Variants in PAPPA observed in about 807,000 individuals in gnomAD.
PAPPA encodes the protein pappalysin 1, also known as pappalysin-1.
PAPPA carries 60 observed loss-of-function variants against 164.0 expected under a neutral mutation model. That is an observed-to-expected ratio of 0.37 (90% confidence interval 0.30 to 0.45). The LOEUF (loss-of-function observed/expected upper bound fraction) is 0.45, where lower values mean the gene tolerates loss of function less well. PAPPA is among the 20% of genes least tolerant of loss of function. The pLI, the probability that PAPPA is intolerant of heterozygous loss-of-function variation, is 1.00. For missense variants in PAPPA, 1,782 were observed against 2,087.3 expected, an observed-to-expected ratio of 0.85 and a Z score of 2.85; for synonymous variants, 875 against 814.1, an observed-to-expected ratio of 1.07 and a Z score of -1.27.
Position 116,398,579 on chromosome 9 carries a change from C to T in PAPPA, c.*1963C>T, listed in dbSNP as rs1009487465. On this transcript the variant is annotated 3_prime_UTR_variant, in exon 22 of 22. Coordinates refer to ENST00000328252, the MANE Select transcript of PAPPA (RefSeq NM_002581.5). The stretch of plus-strand genomic sequence containing the variant: ...TGGTGATCAAAAACACTTGAGAAGA[C>T]ATCTATTGGCCATCTCTGGCCAATT... 6.3e-6 allele frequency: 8 copies of T among 1,273,634 alleles called. No homozygotes were observed. The highest frequency in any genetic ancestry group is 7.2e-6 in the Non-Finnish European group (7 of 975,058). The allele number at this position is 1,273,634 out of a possible 1,614,324, so 78.9% of individuals were successfully genotyped here.
intron 10 of PAPPA, among the ~76,000 whole-genome samples, chr9:116,320,923 C>T (rs1845846856): frequency 6.6e-6 from 1 of 152,030 alleles, no homozygotes; most frequent in Admixed American, 6.6e-5. Flanking sequence ...TAGTGCTCCG[C>T]AGGTAGTGGG....
At chr9:116,292,279 T>C (rs145952799) in intron 9 of PAPPA, among the ~76,000 whole-genome samples, 4 of 152,304 alleles carry the variant, frequency 2.6e-5, no homozygotes, top group African/African-American at 4.8e-5. Flanking sequence ...TTTACGTTTT[T>C]AGAAGAGCAC....
At chr9:116,302,985 A>G in intron 10 of PAPPA, 35 bp downstream of exon 10, 1 of 1,589,024 alleles carries the variant, frequency 6.3e-7, no homozygotes, top group Non-Finnish European at 8.6e-7. Context: ...TTTCCTGCAG[A>G]CATTCAAAGT....
intron 2 of PAPPA, among the ~76,000 whole-genome samples, chr9:116,198,588 T>A (rs1844133887): frequency 6.6e-6 from 1 of 152,132 alleles, no homozygotes; most frequent in South Asian, 2.1e-4. Flanking sequence ...AAGTCCAAGG[T>A]GCTGAGCGAA....
At chr9:116,235,743 A>G (rs1844657073) in intron 7 of PAPPA, 106 bp downstream of exon 7, 1 of 1,068,310 alleles carries the variant, frequency 9.4e-7, no homozygotes, top group Non-Finnish European at 1.4e-6. Flanking sequence ...CACAGTCAAG[A>G]CTCACTCTAT....
At chr9:116,293,542 G>A (rs550665616) in intron 9 of PAPPA, among the ~76,000 whole-genome samples, 1 of 152,362 alleles carries the variant, frequency 6.6e-6, no homozygotes. Context: ...GGAAAGAACT[G>A]GATGCATTTG....
chr9:116,283,495 T>C (rs564502311), intron 9 of PAPPA, among the ~76,000 whole-genome samples: 4 of 152,194 alleles, frequency 2.6e-5, no homozygotes, highest in African/African-American at 9.6e-5. Context: ...TCTCATCCCA[T>C]AGCAAGCAGT....
intron 7 of PAPPA, among the ~76,000 whole-genome samples, chr9:116,261,469 G>A (rs1416572650): frequency 6.6e-6 from 1 of 151,964 alleles, no homozygotes; most frequent in Non-Finnish European, 1.5e-5. Context: ...AGTGGTATGG[G>A]ACAAGAATCA....
Position 116,331,354 on chromosome 9 carries a change from C to T in PAPPA, c.3258C>T (p.Leu1086=), listed in dbSNP as rs775054018. ...AGCTGGCTCAGACCACTTTTTGGCT[C>T]CGGGTAAGCTGAAGCTCTGAGAGCT... is the stretch of plus-strand genomic sequence containing the variant. The part of the protein sequence containing the change: ...YSQLAQTTFW[L]RAYFSQPMVA... The change falls in exon 11 of 22, where the codon CTC becomes CTT. Residue 1086 remains leucine, a synonymous_variant. Coordinates refer to ENST00000328252, the MANE Select transcript of PAPPA (RefSeq NM_002581.5). 2 of 1,590,702 alleles carry T rather than the reference C, an allele frequency of 1.3e-6. 1 individual carries two copies. The highest frequency in any genetic ancestry group is 2.2e-5 in the South Asian group (2 of 90,618).
chr9:116,352,569 T>C, intron 15 of PAPPA, 137 bp from the exon 16 acceptor site: 2 of 720,144 alleles, frequency 2.8e-6, no homozygotes, highest in Admixed American at 2.0e-5. Flanking sequence ...GGCTCCTCAG[T>C]TGGAAGTAGA....
chr9:116,170,999 C>G (rs1374370226), intron 1 of PAPPA, among the ~76,000 whole-genome samples: 1 of 152,158 alleles, frequency 6.6e-6, no homozygotes, highest in Non-Finnish European at 1.5e-5. Context: ...CTGCATAGTT[C>G]TATCATATAA....
At chr9:116,184,807 C>T (rs1290163439) in intron 1 of PAPPA, among the ~76,000 whole-genome samples, 2 of 152,114 alleles carry the variant, frequency 1.3e-5, no homozygotes, top group Non-Finnish European at 1.5e-5. Flanking sequence ...GCCTTTGATT[C>T]TGTTTGTCCT....
intron 6 of PAPPA, among the ~76,000 whole-genome samples, chr9:116,229,987 T>G (rs1844569551): frequency 6.6e-6 from 1 of 152,226 alleles, no homozygotes; most frequent in Non-Finnish European, 1.5e-5. Context: ...TTACATCCAA[T>G]GCAACTATTA....
chr9:116,328,135 C>T (rs892219208), intron 10 of PAPPA, among the ~76,000 whole-genome samples: 2 of 152,158 alleles, frequency 1.3e-5, no homozygotes, highest in African/African-American at 2.4e-5. Context: ...AGAGATAAGA[C>T]CCCCAATCCA....
chr9:116,342,265 T>G (rs1269093544), intron 13 of PAPPA, among the ~76,000 whole-genome samples: 1 of 152,180 alleles, frequency 6.6e-6, no homozygotes, highest in African/African-American at 2.4e-5. Context: ...CATTGTTTAG[T>G]GTCAAAGCCC....
chr9:116,242,415 A>G (rs1031230012), intron 7 of PAPPA, among the ~76,000 whole-genome samples: 7 of 152,250 alleles, frequency 4.6e-5, no homozygotes, highest in African/African-American at 1.4e-4. Context: ...TCAGAAGGGC[A>G]TACTCAACCA....
At chr9:116,363,971 G>A (rs576439978) in intron 18 of PAPPA, among the ~76,000 whole-genome samples, 12 of 152,310 alleles carry the variant, frequency 7.9e-5, no homozygotes, top group African/African-American at 2.4e-4. Flanking sequence ...GATTGCTCTC[G>A]CTGATGGTTT....
chr9:116,348,366 C>G (rs1471205040), intron 15 of PAPPA, among the ~76,000 whole-genome samples: 2 of 151,894 alleles, frequency 1.3e-5, no homozygotes, highest in Non-Finnish European at 2.9e-5. Context: ...ACCCTCATCT[C>G]AAGCCAGGGG....
rs1554741296 is a variant in PAPPA at position 116,231,766 on chromosome 9, C to CTTTTTTCTTTT, written c.2234-3367_2234-3366insCTTTTTTTTTT. On this transcript the variant is annotated intron_variant, in intron 6 of 21. Transcript: ENST00000328252. ...GTGGTTTTTCTTTTCTTTTCTTTTTCTTTTTTTTTTTTGAGATGGAGTTTC... is the reference window on the plus strand; with the variant it reads ...GTGGTTTTTCTTTTCTTTTCTTTTTCTTTTTTCTTTTTTTTTTTTTTTTGAGATGGAGTTTC... Among the ~76,000 whole-genome samples, 8 of 57,524 alleles carry CTTTTTTCTTTT rather than the reference C, an allele frequency of 1.4e-4. 3 individuals carry two copies. Among genetic ancestry groups the CTTTTTTCTTTT allele is most frequent in the African/African-American group, 2.0e-4 (3 of 14,874 alleles). 37.7% of individuals were successfully genotyped at this position (57,524 alleles called of 152,430 possible).
Sources: gnomAD v4.1 joint callset for allele counts (sites outside exome capture counted in the v4.1 genomes callset) on GRCh38, gnomAD v4.1.1 for gene constraint, MANE v1.5 for transcripts, NCBI Gene and HGNC (gene_info 2026-07-23, HGNC 2026-07-21) for gene names.